JAK1: variants seen among roughly 807,000 people sequenced by gnomAD.
JAK1 encodes the protein Janus kinase 1.
Under a neutral mutation model 136.6 loss-of-function variants are expected in JAK1, and 16 were observed. The ratio of observed to expected loss-of-function variants is 0.12; its 90% CI spans 0.08 to 0.18. JAK1 has a LOEUF of 0.18. Among genes scored for constraint, JAK1 ranks in the 10% least tolerant of loss-of-function variants. The pLI is 1.00. For missense variants in JAK1, 859 were observed against 1,450.1 expected (o/e 0.59, Z 6.62); for synonymous variants, 492 against 519.5 (o/e 0.95, Z 0.72).
chr1:64,888,096 C>G (rs542100926), intron 1 of JAK1, among the ~76,000 whole-genome samples: 1 of 152,324 alleles, frequency 6.6e-6, no homozygotes, highest in East Asian at 1.9e-4. Flanking sequence ...AGGAAGAGAA[C>G]TGTAAGTTCC....
At chr1:65,044,537 T>A (rs1425972670) in exon 2 of JAK1, among the ~76,000 whole-genome samples, 1 of 152,222 alleles carries the variant, frequency 6.6e-6, no homozygotes, top group East Asian at 1.9e-4. Flanking sequence ...TCAACGTGAC[T>A]TTTAAGTGAA....
At chr1:64,933,158 C>G (rs1353502099) in intron 1 of JAK1, among the ~76,000 whole-genome samples, 1 of 152,210 alleles carries the variant, frequency 6.6e-6, no homozygotes, top group Non-Finnish European at 1.5e-5. Context: ...GTGGGTACCA[C>G]TGTTATCCCC....
At chr1:64,957,804 C>T (rs551641563) in intron 1 of JAK1, among the ~76,000 whole-genome samples, 2 of 152,072 alleles carry the variant, frequency 1.3e-5, no homozygotes, top group Admixed American at 6.5e-5. Context: ...ATTAGCCGGG[C>T]GCGGTGGCGG....
At chr1:65,064,640 T>C (rs112943660) in intron 1 of JAK1, among the ~76,000 whole-genome samples, 19 of 152,344 alleles carry the variant, frequency 1.2e-4, no homozygotes, top group African/African-American at 4.3e-4. Context: ...CCTGACATCC[T>C]TACTTCTTTG....
rs184114117 is a variant in JAK1, at chr1:64,875,716, T to C, written c.330-2193A>G. On this transcript the variant is annotated intron_variant, in intron 4 of 24. Transcript: ENST00000342505. ...TCTCACACACAGAAAGAATCACACA[T>C]CTGCAGAGCCACGGGCAGCATGAGC... Among the ~76,000 whole-genome samples, 548 of 152,282 alleles carry C rather than the reference T, an allele frequency of 3.6e-3. 5 individuals are homozygous for C. Among genetic ancestry groups the C allele is most frequent in the African/African-American group, 0.013 (520 of 41,560 alleles).
chr1:64,928,110 C>G (rs1645614413), intron 1 of JAK1, among the ~76,000 whole-genome samples: 1 of 152,208 alleles, frequency 6.6e-6, no homozygotes, highest in East Asian at 1.9e-4. Context: ...ATTCAAAACA[C>G]AATGCCCCTC....
chr1:64,841,363 G>T, intron 18 of JAK1, 24 bp from the exon 19 acceptor site: 1 of 1,612,414 alleles, frequency 6.2e-7, no homozygotes, highest in South Asian at 1.1e-5. Context: ...AAAGAAAACA[G>T]AGTGAAAGGC....
chr1:64,957,231 G>A (rs1646204151), intron 1 of JAK1, among the ~76,000 whole-genome samples: 1 of 152,066 alleles, frequency 6.6e-6, no homozygotes, highest in Non-Finnish European at 1.5e-5. Context: ...GTGAGTGGAT[G>A]GGATCCTTCC....
intron 2 of JAK1, among the ~76,000 whole-genome samples, chr1:65,033,225 C>G (rs1208075539): frequency 6.6e-6 from 1 of 152,202 alleles, no homozygotes. Context: ...CTCTTGCGCT[C>G]TCACTGCAGC....
chr1:64,932,682 C>T (rs1467077412), intron 1 of JAK1, among the ~76,000 whole-genome samples: 2 of 152,150 alleles, frequency 1.3e-5, no homozygotes, highest in African/African-American at 4.8e-5. Flanking sequence ...TATACTTTCA[C>T]TCAGCTACTC....
intron 2 of JAK1, among the ~76,000 whole-genome samples, chr1:65,000,834 A>AT (rs1278248118): frequency 6.6e-6 from 1 of 150,632 alleles, no homozygotes; most frequent in Non-Finnish European, 1.5e-5. Flanking sequence ...TATTTTTGTG[A>AT]TTTTTAAAAA....
At chr1:65,045,104 T>A (rs1260967014) in intron 1 of JAK1, among the ~76,000 whole-genome samples, 1 of 152,236 alleles carries the variant, frequency 6.6e-6, no homozygotes, top group Non-Finnish European at 1.5e-5. Flanking sequence ...CACCGCTAAA[T>A]GACTGGGTCT....
intron 1 of JAK1, among the ~76,000 whole-genome samples, chr1:64,926,144 T>C (rs757537232): frequency 2.6e-5 from 4 of 152,132 alleles, no homozygotes; most frequent in Non-Finnish European, 4.4e-5. Context: ...AACTGAAAGC[T>C]TCGCAATGGC....
At chr1:64,901,065 T>C (rs897543056) in intron 1 of JAK1, among the ~76,000 whole-genome samples, 1 of 152,194 alleles carries the variant, frequency 6.6e-6, no homozygotes, top group African/African-American at 2.4e-5. Flanking sequence ...TGTAGAATCA[T>C]CTGTCTTCGC....
At chr1:64,865,655 C>G (rs1215251849) in intron 7 of JAK1, among the ~76,000 whole-genome samples, 1 of 152,174 alleles carries the variant, frequency 6.6e-6, no homozygotes, top group Non-Finnish European at 1.5e-5. Flanking sequence ...CAAGTGCTAA[C>G]TAACATAGTA....
intron 1 of JAK1, among the ~76,000 whole-genome samples, chr1:64,956,280 G>T (rs889061028): frequency 1.3e-5 from 2 of 152,234 alleles, no homozygotes; most frequent in African/African-American, 4.8e-5. Flanking sequence ...TTATTATGAT[G>T]ATGGGTCAGA....
At position 64,841,589 on chromosome 1, in the gene JAK1, A is replaced by T; in HGVS notation, c.2416T>A (p.Tyr806Asn). 1.2e-6 allele frequency: 2 copies of T among 1,614,016 alleles called. No homozygotes were observed. The highest frequency in any genetic ancestry group is 1.7e-6 in the Non-Finnish European group (2 of 1,180,030). ...GTCACTGGCCTGCACCGGCTTTCATAGAATCTCTCTTTCTGTAAACAAGAG... is the reference window on the plus strand; with the variant it reads ...GTCACTGGCCTGCACCGGCTTTCATTGAATCTCTCTTTCTGTAAACAAGAG... The part of the protein sequence containing the change: ...DKTLIEKERF[Y>N]ESRCRPVTPS... The change falls in exon 18 of 25, where the codon TAT becomes AAT. Residue 806 changes from tyrosine (Y) to asparagine (N), a missense_variant. Tyr to Asn is a moderately radical substitution (Grantham distance 143). Around this residue, in one of 4 missense-constraint regions of JAK1, gnomAD observed 409 missense variants for 753.8 expected, o/e 0.54. Transcript: ENST00000342505.
intron 1 of JAK1, among the ~76,000 whole-genome samples, chr1:64,954,084 A>T (rs1460417553): frequency 6.6e-6 from 1 of 152,248 alleles, no homozygotes; most frequent in East Asian, 1.9e-4. Context: ...AGAAGAAACA[A>T]GTTTCCTAGG....
Position 64,834,766 on chromosome 1 carries a change from C to T in JAK1, c.3370-109G>A. The stretch of plus-strand genomic sequence containing the variant: ...TAATTTTGGAAATGCAATGACTTTT[C>T]CTTAAAGACTAGAAAAACAAGAGTA... On this transcript the variant is annotated intron_variant, in intron 24 of 24. Transcript: ENST00000342505. 5 of 695,094 alleles carry T rather than the reference C, an allele frequency of 7.2e-6. 1 individual carries two copies. In the South Asian group the frequency reaches 8.9e-5, roughly 12 times the overall value. The allele number at this position is 695,094 out of a possible 1,614,324, so 43.1% of individuals were successfully genotyped here.
Sources: gnomAD v4.1 joint callset for allele counts (sites outside exome capture counted in the v4.1 genomes callset) on GRCh38, gnomAD v4.1.1 for gene constraint, gnomAD v4.1.1 regional missense constraint, MANE v1.5 for transcripts, NCBI Gene and HGNC (gene_info 2026-07-23, HGNC 2026-07-21) for gene names.